VWA3B: variants seen among roughly 807,000 people sequenced by gnomAD.
VWA3B encodes the protein von Willebrand factor A domain-containing protein 3B.
In VWA3B, 138 loss-of-function variants were observed where a neutral mutation model predicts 158.3. The observed-to-expected ratio is 0.87, with a 90% CI of 0.76 to 1.00. VWA3B has a LOEUF of 1.00. VWA3B is among the 50% of genes least tolerant of loss of function. The probability of loss-of-function intolerance (pLI) is 0.00; values close to 1 mark genes in which losing one functional copy is unlikely to be tolerated. For synonymous variants in VWA3B, 596 were observed against 587.3 expected, an observed-to-expected ratio of 1.01 and a Z score of -0.21; for missense variants, 1,555 against 1,565.1, an observed-to-expected ratio of 0.99 and a Z score of 0.11.
At chr2:98,188,931 T>C (rs1030843975) in intron 10 of VWA3B, among the ~76,000 whole-genome samples, 2 of 152,240 alleles carry the variant, frequency 1.3e-5, no homozygotes, top group Admixed American at 6.5e-5. Flanking sequence ...TAAGGAATGC[T>C]TCTGTTTCAT....
intron 7 of VWA3B, among the ~76,000 whole-genome samples, chr2:98,149,998 A>C (rs919062749): frequency 4.6e-5 from 7 of 152,236 alleles, no homozygotes; most frequent in African/African-American, 1.7e-4. Flanking sequence ...AATGAGTTTG[A>C]TAAATAAATT....
intron 7 of VWA3B, among the ~76,000 whole-genome samples, chr2:98,154,697 G>A (rs1369477361): frequency 6.6e-6 from 1 of 152,178 alleles, no homozygotes; most frequent in Non-Finnish European, 1.5e-5. Flanking sequence ...AGGGAATCCG[G>A]GCATCCTGCA....
chr2:98,264,226 A>T (rs1687655559), intron 21 of VWA3B, among the ~76,000 whole-genome samples: 1 of 148,706 alleles, frequency 6.7e-6, no homozygotes. Flanking sequence ...GTTTTTCTAT[A>T]CTCTATTTCT....
At chr2:98,182,137 C>T (rs1450862871) in intron 9 of VWA3B, among the ~76,000 whole-genome samples, 1 of 152,178 alleles carries the variant, frequency 6.6e-6, no homozygotes, top group Non-Finnish European at 1.5e-5. Flanking sequence ...AGGTGACAGG[C>T]GGGTGACCGC....
intron 25 of VWA3B, among the ~76,000 whole-genome samples, chr2:98,302,051 G>A (rs947136551): frequency 3.9e-5 from 6 of 152,098 alleles, no homozygotes; most frequent in African/African-American, 1.4e-4. Flanking sequence ...CATGCTTCGT[G>A]TCACCCTCAG....
At chr2:98,239,838 C>T (rs894239330) in intron 19 of VWA3B, among the ~76,000 whole-genome samples, 11 of 150,982 alleles carry the variant, frequency 7.3e-5, no homozygotes, top group East Asian at 3.9e-4. Flanking sequence ...TGCTTGAATT[C>T]GGGAGGCAGA....
chr2:98,094,075 T>A (rs1182195526), intron 2 of VWA3B, among the ~76,000 whole-genome samples: 1 of 152,236 alleles, frequency 6.6e-6, no homozygotes, highest in African/African-American at 2.4e-5. Flanking sequence ...TTATCTTGGC[T>A]ATTGTGAATA....
chr2:98,300,024 A>T, intron 24 of VWA3B, 55 bp from the exon 25 acceptor site: 1 of 1,607,406 alleles, frequency 6.2e-7, no homozygotes. Flanking sequence ...TGCTTATGTT[A>T]ACATTGTCTG....
At chr2:98,293,641 C>A (rs1457287646) in intron 23 of VWA3B, among the ~76,000 whole-genome samples, 1 of 152,136 alleles carries the variant, frequency 6.6e-6, no homozygotes, top group African/African-American at 2.4e-5. Context: ...TACATATATA[C>A]ACACACCTTA....
chr2:98,212,634 T>G (rs1574094485), intron 13 of VWA3B, among the ~76,000 whole-genome samples: 1 of 152,152 alleles, frequency 6.6e-6, no homozygotes, highest in African/African-American at 2.4e-5. Flanking sequence ...TAAAGTGAAT[T>G]AGTGTCAACT....
rs1409108401 is a variant in VWA3B at position 98,162,871 on chromosome 2, G to A, written c.1009G>A (p.Val337Met). The A allele has an allele frequency of 4.3e-6, 7 of 1,613,648 alleles. No individual in the cohort carries two copies. Among genetic ancestry groups the A allele is most frequent in the African/African-American group, 1.3e-5 (1 of 74,934 alleles). Residue 337 changes from valine to methionine, a missense_variant, in exon 8 of 28, where the codon GTG becomes ATG. Transcript: ENST00000477737. ...LPPGAGVRED[V>M]FLVWQEMEEA... ...TTTAGGAGCTGGAGTCAGAGAGGAC[G>A]TGTTTCTCGTTTGGCAAGAGATGGA...
At chr2:98,236,930 C>T in intron 19 of VWA3B, 200 bp downstream of exon 19, 1 of 628,788 alleles carries the variant, frequency 1.6e-6, no homozygotes, top group South Asian at 2.4e-5. Context: ...AACCCCAGCA[C>T]TTGGGAAGGC....
the VWA3B span, among the ~76,000 whole-genome samples, chr2:98,321,177 G>A: frequency 6.6e-6 from 1 of 152,228 alleles, no homozygotes; most frequent in African/African-American, 2.4e-5. Context: ...GTCAAGAACT[G>A]AAGTTTTGGA....
chr2:98,207,165 G>T, intron 12 of VWA3B: 1 of 547,720 alleles, frequency 1.8e-6, no homozygotes, highest in Non-Finnish European at 3.7e-6. Flanking sequence ...CTGACATGGT[G>T]GGTATGATGT....
chr2:98,323,104 A>G, the VWA3B span, among the ~76,000 whole-genome samples: 1 of 152,232 alleles, frequency 6.6e-6, no homozygotes, highest in African/African-American at 2.4e-5. Flanking sequence ...AGGAAAATGT[A>G]TTCTATTCTT....
rs1322993688 is a variant in VWA3B at position 98,300,063 on chromosome 2, A to G, written c.3283-16A>G. ...AATCCATAAGCAAAATATTTGCTCT[A>G]TGTTCTCCTCTGCAGGTTGGAGATT... On this transcript the variant is annotated splice_polypyrimidine_tract_variant and intron_variant, in intron 24 of 27. Transcript: ENST00000477737. The G allele has an allele frequency of 8.1e-6, 13 of 1,614,018 alleles. No homozygotes were observed. The highest frequency in any genetic ancestry group is 4.0e-5 in the African/African-American group (3 of 74,926).
intron 9 of VWA3B, among the ~76,000 whole-genome samples, chr2:98,186,059 G>A (rs951311813): frequency 2.6e-5 from 4 of 151,094 alleles, no homozygotes; most frequent in African/African-American, 9.7e-5. Flanking sequence ...CAAAACCCAC[G>A]TTTTGCAGGG....
At chr2:98,198,059 T>A (rs181608457) in intron 12 of VWA3B, among the ~76,000 whole-genome samples, 1 of 151,888 alleles carries the variant, frequency 6.6e-6, no homozygotes, top group East Asian at 1.9e-4. Flanking sequence ...CTATAGCTAC[T>A]CCATGTATCC....
At position 98,205,646 on chromosome 2, in the gene VWA3B, G is replaced by A. The variant is rs548292334; in HGVS notation, c.1738-6284G>A. 3.4e-4 allele frequency among the ~76,000 whole-genome samples: 52 copies of A among 152,214 alleles called. 2 individuals carry two copies. The South Asian group carries it at 0.01, about 30-fold the overall frequency. On this transcript the variant is annotated intron_variant, in intron 12 of 27. Transcript: ENST00000477737. ...AGTTTTGGCATATTTTTATTTTATT[G>A]TAAGTAAGCTTTTAGTACCATAAAT...
Sources: gnomAD v4.1 joint callset for allele counts (sites outside exome capture counted in the v4.1 genomes callset) on GRCh38, gnomAD v4.1.1 for gene constraint, MANE v1.5 for transcripts, NCBI Gene and HGNC (gene_info 2026-07-23, HGNC 2026-07-21) for gene names.